The following WDFY3 variants were observed in gnomAD, a reference collection of about 807,000 sequenced individuals.
The protein encoded by WDFY3 is WD repeat and FYVE domain containing 3, also known as WD repeat and FYVE domain-containing protein 3.
A neutral mutation model predicts 409.6 loss-of-function variants in WDFY3; 66 were observed. The ratio of observed to expected loss-of-function variants is 0.16; its 90% CI spans 0.13 to 0.20. WDFY3 has a LOEUF of 0.20. Among genes scored for constraint, WDFY3 ranks in the 10% least tolerant of loss-of-function variants. WDFY3 has a pLI of 1.00. For synonymous variants in WDFY3, 1,521 were observed against 1,537.1 expected (o/e 0.99, Z 0.25); for missense variants, 3,031 against 4,298.1 (o/e 0.71, Z 8.24).
At chr4:84,925,405 C>A (rs778458036) in intron 2 of WDFY3, among the ~76,000 whole-genome samples, 1 of 151,926 alleles carries the variant, frequency 6.6e-6, no homozygotes, top group African/African-American at 2.4e-5. Context: ...CAGGAAGAAA[C>A]AAATGGACAA....
chr4:84,722,898 A>C (rs17009231), intron 46 of WDFY3, among the ~76,000 whole-genome samples: 1 of 152,188 alleles, frequency 6.6e-6, no homozygotes, highest in Non-Finnish European at 1.5e-5. Context: ...AGTAAGCAAG[A>C]GAGATCAAAT....
intron 60 of WDFY3, 56 bp from the exon 61 acceptor site, chr4:84,690,720 T>C (rs1423311271): frequency 5.9e-6 from 9 of 1,526,856 alleles, no homozygotes; most frequent in African/African-American, 2.8e-5. Flanking sequence ...TACAAACTTC[T>C]GAAACTCAAG....
chr4:84,786,394 G>C (rs767786449), intron 23 of WDFY3, among the ~76,000 whole-genome samples: 70 of 152,098 alleles, frequency 4.6e-4, no homozygotes, highest in Admixed American at 5.2e-4. Context: ...ACAACGTAAA[G>C]GATGAAAAGT....
At chr4:84,833,084 T>G (rs1755993543) in intron 7 of WDFY3, among the ~76,000 whole-genome samples, 1 of 151,992 alleles carries the variant, frequency 6.6e-6, no homozygotes, top group Non-Finnish European at 1.5e-5. Flanking sequence ...TCAAGACTTC[T>G]TAAGTACTGG....
Position 84,683,155 on chromosome 4 carries a change from G to A in WDFY3, c.9727-685C>T, listed in dbSNP as rs188380503. Among the ~76,000 whole-genome samples, 167 of 152,310 alleles carry A rather than the reference G, an allele frequency of 1.1e-3. 2 individuals carry two copies. The highest frequency in any genetic ancestry group is 3.8e-3 in the African/African-American group (156 of 41,568). Reference sequence around the variant, plus strand: ...TATTTTATGCTGCTTCACAGATTGAGCAGTGTGAAATACCACTGTCGAGGA... The same window carrying A: ...TATTTTATGCTGCTTCACAGATTGAACAGTGTGAAATACCACTGTCGAGGA... On this transcript the variant is annotated intron_variant, in intron 63 of 67. Coordinates refer to ENST00000295888, the MANE Select transcript of WDFY3 (RefSeq NM_014991.6).
In WDFY3 at chr4:84,670,068, T is replaced by A. The variant is rs978676426; in HGVS notation, c.*2800A>T. The A allele has an allele frequency of 1.3e-5, 2 of 152,642 alleles. No homozygotes were observed. The highest frequency in any genetic ancestry group is 4.8e-5 in the African/African-American group (2 of 41,456). 9.5% of individuals were successfully genotyped at this position (152,642 alleles called of 1,614,324 possible). ...AATAAGTTTCTACCAACTTTATACA[T>A]AAGAAAGTGCAAAATAACTTATCTA... On this transcript the variant is annotated 3_prime_UTR_variant, in exon 68 of 68. Transcript: ENST00000295888.
chr4:84,819,982 T>G, intron 12 of WDFY3, 103 bp downstream of exon 12: 1 of 1,081,410 alleles, frequency 9.2e-7, no homozygotes, highest in Non-Finnish European at 1.3e-6. Context: ...AATCAATAGT[T>G]TTTTCTCTAA....
chr4:84,842,781 A>AAAAAC (rs1164374372), intron 5 of WDFY3, among the ~76,000 whole-genome samples: 4 of 152,236 alleles, frequency 2.6e-5, no homozygotes, highest in Admixed American at 2.6e-4. Flanking sequence ...ACTCCGTCTC[A>AAAAAC]AAAACAAAAC....
chr4:84,925,275 T>C (rs1265606992), intron 2 of WDFY3, among the ~76,000 whole-genome samples: 1 of 152,212 alleles, frequency 6.6e-6, no homozygotes, highest in Non-Finnish European at 1.5e-5. Flanking sequence ...TTTGTTAACT[T>C]CAACCAAGTA....
intron 2 of WDFY3, among the ~76,000 whole-genome samples, chr4:84,928,310 C>T (rs1438295143): frequency 6.6e-6 from 1 of 152,160 alleles, no homozygotes; most frequent in Non-Finnish European, 1.5e-5. Context: ...GCATTGGCTT[C>T]CTTGGTTCTG....
intron 5 of WDFY3, chr4:84,844,486 G>A: frequency 6.2e-6 from 8 of 1,289,592 alleles, no homozygotes; most frequent in Non-Finnish European, 8.1e-6. Context: ...AAATCCTTGG[G>A]GGACAGCAGG....
At chr4:84,826,526 T>G (rs984270783) in intron 10 of WDFY3, among the ~76,000 whole-genome samples, 3 of 152,190 alleles carry the variant, frequency 2.0e-5, no homozygotes, top group Admixed American at 1.3e-4. Context: ...GTGCCAACAT[T>G]CAAAAGAAGC....
Position 84,692,951 on chromosome 4 carries a change from A to G in WDFY3, c.8983T>C (p.Ser2995Pro). Reference sequence around the variant, plus strand: ...TGAAAAAAGATCTTGTCACTTGTAGATCCTGGTAGGACAGAGATTCCTGCA... The same window carrying G: ...TGAAAAAAGATCTTGTCACTTGTAGGTCCTGGTAGGACAGAGATTCCTGCA... ...DNAGISVLPGSTSDKIFFHHL... is the reference protein window; with the variant it reads ...DNAGISVLPGPTSDKIFFHHL... Residue 2995 changes from serine to proline, a missense_variant, in exon 59 of 68, where the codon TCT becomes CCT. Coordinates refer to ENST00000295888, the MANE Select transcript of WDFY3 (RefSeq NM_014991.6). 6.2e-7 allele frequency: 1 copy of G among 1,613,746 alleles called. No individual in the cohort carries two copies. The highest frequency in any genetic ancestry group is 2.2e-5 in the East Asian group (1 of 44,862).
intron 3 of WDFY3, among the ~76,000 whole-genome samples, chr4:84,866,584 G>A (rs1056553438): frequency 4.6e-5 from 7 of 152,202 alleles, no homozygotes; most frequent in Non-Finnish European, 4.4e-5. Flanking sequence ...CCAATTCACC[G>A]CAGCCTTTAA....
chr4:84,923,918 A>C (rs1254765929), intron 2 of WDFY3, among the ~76,000 whole-genome samples: 2 of 152,304 alleles, frequency 1.3e-5, no homozygotes, highest in East Asian at 3.9e-4. Context: ...GAGAATCGAT[A>C]GAGCCCAGGA....
At chr4:84,781,387 C>CTTTT (rs200260886) in intron 25 of WDFY3, among the ~76,000 whole-genome samples, 7 of 145,094 alleles carry the variant, frequency 4.8e-5, no homozygotes, top group African/African-American at 1.3e-4. Context: ...CCTTCTTTCC[C>CTTTT]TTTTGTTTTT....
Position 84,773,810 on chromosome 4 carries a change from T to A in WDFY3, c.4755-881A>T, listed in dbSNP as rs533916993. 3.4e-4 allele frequency among the ~76,000 whole-genome samples: 52 copies of A among 152,278 alleles called. 2 individuals carry two copies. In the South Asian group the frequency reaches 0.01, roughly 30 times the overall value. On this transcript the variant is annotated intron_variant, in intron 29 of 67. Coordinates refer to ENST00000295888, the MANE Select transcript of WDFY3 (RefSeq NM_014991.6). Reference sequence around the variant, plus strand: ...ATCTTGGCTCACTGCAACCTCCGCCTCCCGGGTTCAAGTGATTCTCCTGCC... The same window carrying A: ...ATCTTGGCTCACTGCAACCTCCGCCACCCGGGTTCAAGTGATTCTCCTGCC...
Position 84,796,680 on chromosome 4 carries a change from C to A in WDFY3, c.3008G>T (p.Arg1003Leu), listed in dbSNP as rs146467526. ...VFSLHEDNHY[R>L]ISKSLVKSAE... ...AGATTTTACCAGGCTCTTGCTTATC[C>A]GGTAATGGTTATCTTCATGTAAGCT... Residue 1003 changes from arginine to leucine, a missense_variant, in exon 19 of 68, where the codon CGG (arginine) becomes CTG (leucine). Physicochemically the swap from Arg to Leu is moderately radical, Grantham distance 102 (BLOSUM62 -2). Around this residue, in one of 16 missense-constraint regions of WDFY3, gnomAD observed 1,322 missense variants for 1,697.9 expected, o/e 0.78. Coordinates refer to ENST00000295888, the MANE Select transcript of WDFY3 (RefSeq NM_014991.6). 1.2e-6 allele frequency: 2 copies of A among 1,614,074 alleles called. No homozygotes were observed. Among genetic ancestry groups the A allele is most frequent in the East Asian group, 2.2e-5 (1 of 44,874 alleles).
chr4:84,881,716 G>T (rs1266508371), intron 3 of WDFY3, among the ~76,000 whole-genome samples: 1 of 151,666 alleles, frequency 6.6e-6, no homozygotes, highest in Non-Finnish European at 1.5e-5. Flanking sequence ...ACAAGACCCC[G>T]CCTCTACTCA....
Sources: allele counts gnomAD v4.1 joint callset (sites outside exome capture counted in the v4.1 genomes callset), GRCh38; gene constraint gnomAD v4.1.1; regional missense constraint gnomAD v4.1.1; transcripts MANE v1.5; gene names NCBI Gene and HGNC (gene_info 2026-07-23, HGNC 2026-07-21).